Variants in PRMT8 observed in about 807,000 individuals in gnomAD.
PRMT8 encodes protein arginine methyltransferase 8.
Under a neutral mutation model 47.1 loss-of-function variants are expected in PRMT8, and 7 were observed. That is an observed-to-expected ratio of 0.15 (90% CI 0.08 to 0.28). PRMT8 has a LOEUF of 0.28. Among genes scored for constraint, PRMT8 ranks in the 10% least tolerant of loss-of-function variants. The probability of loss-of-function intolerance (pLI) is 1.00; values close to 1 mark genes in which losing one functional copy is unlikely to be tolerated. For missense variants in PRMT8, 237 were observed against 505.4 expected, an observed-to-expected ratio of 0.47 and a Z score of 5.09; for synonymous variants, 188 against 186.5, an observed-to-expected ratio of 1.01 and a Z score of -0.07.
intron 1 of PRMT8, among the ~76,000 whole-genome samples, chr12:3,396,996 T>G (rs1272444253): frequency 1.3e-5 from 2 of 152,136 alleles, no homozygotes; most frequent in Non-Finnish European, 2.9e-5. Flanking sequence ...TTCTTCCAGT[T>G]GATCACACCG....
intron 1 of PRMT8, among the ~76,000 whole-genome samples, chr12:3,465,122 CA>C (rs1386915523): frequency 0.025 from 1,120 of 44,354 alleles, 13 homozygotes; most frequent in African/African-American, 0.085. Context: ...AACTCTGTCT[CA>C]AAAAAAATAT....
intron 1 of PRMT8, among the ~76,000 whole-genome samples, chr12:3,462,097 T>C (rs925661823): frequency 6.6e-6 from 1 of 152,060 alleles, no homozygotes; most frequent in Non-Finnish European, 1.5e-5. Context: ...TTTGTGTCCA[T>C]GTGTTCTCAT....
chr12:3,553,489 G>A (rs570747252), intron 3 of PRMT8, 162 bp from the exon 4 acceptor site: 4 of 651,116 alleles, frequency 6.1e-6, no homozygotes, highest in South Asian at 1.8e-5. Context: ...CCTTGAGGTG[G>A]GGGGGCTGGG....
intron 1 of PRMT8, among the ~76,000 whole-genome samples, chr12:3,469,929 C>T (rs1345339562): frequency 1.3e-5 from 2 of 152,162 alleles, no homozygotes; most frequent in Non-Finnish European, 1.5e-5. Context: ...AGCATCGCCA[C>T]GTGCTGGCCA....
chr12:3,519,667 A>G (rs1309083319), intron 1 of PRMT8, among the ~76,000 whole-genome samples: 1 of 152,224 alleles, frequency 6.6e-6, no homozygotes, highest in Non-Finnish European at 1.5e-5. Flanking sequence ...TGAGTCCACC[A>G]GGGGCAGCTG....
chr12:3,457,520 G>C (rs1047301179), intron 1 of PRMT8, among the ~76,000 whole-genome samples: 1 of 151,914 alleles, frequency 6.6e-6, no homozygotes, highest in African/African-American at 2.4e-5. Flanking sequence ...TGTTTCCTAG[G>C]CTGGTCTCAA....
intron 1 of PRMT8, among the ~76,000 whole-genome samples, chr12:3,458,208 G>T (rs116450432): frequency 5.9e-5 from 9 of 152,314 alleles, no homozygotes; most frequent in Non-Finnish European, 1.0e-4. Context: ...GGGGCGTGGC[G>T]CTCTGTGACT....
intron 1 of PRMT8, among the ~76,000 whole-genome samples, chr12:3,402,471 C>G (rs1355858505): frequency 1.3e-5 from 2 of 152,140 alleles, no homozygotes; most frequent in Non-Finnish European, 1.5e-5. Flanking sequence ...CAAAAATTGA[C>G]AAGTGGGATC....
intron 1 of PRMT8, among the ~76,000 whole-genome samples, chr12:3,442,643 C>T (rs927493951): frequency 1.4e-4 from 21 of 152,164 alleles, no homozygotes; most frequent in African/African-American, 4.8e-4. Flanking sequence ...GATGCATTTC[C>T]TAAACTAGGT....
chr12:3,517,458 G>A (rs565174182), intron 1 of PRMT8, among the ~76,000 whole-genome samples: 6 of 152,298 alleles, frequency 3.9e-5, no homozygotes, highest in South Asian at 2.1e-4. Context: ...AGGAGACAGC[G>A]AAAGTGACAC....
At chr12:3,395,237 T>C (rs1301448225) in intron 1 of PRMT8, among the ~76,000 whole-genome samples, 2 of 151,474 alleles carry the variant, frequency 1.3e-5, no homozygotes, top group Admixed American at 6.6e-5. Context: ...TTTTAGTTAT[T>C]TCTTGCCTTC....
At chr12:3,577,691 C>A (rs950916418) in intron 7 of PRMT8, among the ~76,000 whole-genome samples, 1 of 151,636 alleles carries the variant, frequency 6.6e-6, no homozygotes, top group African/African-American at 2.4e-5. Context: ...TTTTTTTTAG[C>A]TCATTAGCTA....
intron 1 of PRMT8, among the ~76,000 whole-genome samples, chr12:3,382,591 A>G (rs1864102702): frequency 6.6e-6 from 1 of 151,938 alleles, no homozygotes; most frequent in African/African-American, 2.4e-5. Context: ...GAGTTTTAAG[A>G]GTTCTTATGT....
At chr12:3,522,492 C>T (rs1865894130) in intron 1 of PRMT8, among the ~76,000 whole-genome samples, 1 of 151,970 alleles carries the variant, frequency 6.6e-6, no homozygotes, top group South Asian at 2.1e-4. Context: ...GGTGAAAACA[C>T]ATCTCTACTA....
chr12:3,577,506 G>A (rs1039344201), intron 7 of PRMT8, among the ~76,000 whole-genome samples: 1 of 150,488 alleles, frequency 6.6e-6, no homozygotes, highest in South Asian at 2.1e-4. Context: ...TTGCCCCAGC[G>A]GCCTGCCAGA....
rs904251975 is a variant in PRMT8 at position 3,550,160 on chromosome 12, G to A, written c.417+69G>A. ...AGCCTCTTGCCCTCTGCCTCCACCC[G>A]CCCTTCTAGAAGTACAAAATTTGGT... is the stretch of plus-strand genomic sequence containing the variant. On this transcript the variant is annotated intron_variant, in intron 3 of 9. Transcript: ENST00000382622. The surrounding 1 kb of genome is among the most constrained non-coding windows in gnomAD (Gnocchi z 5.1). 1.2e-5 allele frequency: 19 copies of A among 1,581,398 alleles called. No homozygotes were observed. The East Asian group carries it at 2.0e-4, about 17-fold the overall frequency.
chr12:3,438,476 C>A (rs1436158236), intron 1 of PRMT8, among the ~76,000 whole-genome samples: 1 of 152,228 alleles, frequency 6.6e-6, no homozygotes, highest in African/African-American at 2.4e-5. Context: ...GCTTCCCTTC[C>A]CGCCATGATA....
chr12:3,555,022 T>C (rs531776770), intron 4 of PRMT8, among the ~76,000 whole-genome samples: 5 of 152,350 alleles, frequency 3.3e-5, no homozygotes, highest in Admixed American at 2.0e-4. Flanking sequence ...TCTCTGGTGC[T>C]TGACCTACTT....
At chr12:3,496,211 TATA>T (rs1348031849) in intron 1 of PRMT8, among the ~76,000 whole-genome samples, 7 of 48,106 alleles carry the variant, frequency 1.5e-4, no homozygotes, top group South Asian at 1.4e-3. Context: ...TATATATATA[TATA>T]TTTTTTTTTT....
Sources: allele counts gnomAD v4.1 joint callset (sites outside exome capture counted in the v4.1 genomes callset), GRCh38; gene constraint gnomAD v4.1.1; non-coding constraint Gnocchi (gnomAD v3.1); transcripts MANE v1.5; gene names NCBI Gene and HGNC (gene_info 2026-07-23, HGNC 2026-07-21).